The following EED variants were observed in gnomAD, a reference collection of about 807,000 sequenced individuals.
The protein encoded by EED is embryonic ectoderm development.
Under a neutral mutation model 61.0 loss-of-function variants are expected in EED, and 9 were observed. The observed-to-expected ratio is 0.15, with a 90% confidence interval of 0.09 to 0.26. The LOEUF is 0.26. Ranked by LOEUF, EED falls within the 10% of genes least tolerant of loss-of-function variation. The pLI, the probability that EED is intolerant of heterozygous loss-of-function variation, is 1.00. For synonymous variants in EED, 187 were observed against 174.4 expected (o/e 1.07, Z -0.57); for missense variants, 315 against 542.3 (o/e 0.58, Z 4.16).
intron 1 of EED, among the ~76,000 whole-genome samples, chr11:86,248,591 A>G (rs1408961858): frequency 3.3e-5 from 5 of 152,266 alleles, no homozygotes; most frequent in African/African-American, 9.6e-5. Context: ...ATTTATTAAT[A>G]TATGGAGTAA....
intron 9 of EED, among the ~76,000 whole-genome samples, chr11:86,275,470 T>G (rs1259010450): frequency 6.6e-6 from 1 of 152,210 alleles, no homozygotes. Context: ...AAATTCTAAA[T>G]CTGGCGCAAG....
intron 8 of EED, among the ~76,000 whole-genome samples, chr11:86,266,889 T>G (rs1414502956): frequency 6.6e-6 from 1 of 152,192 alleles, no homozygotes; most frequent in Non-Finnish European, 1.5e-5. Flanking sequence ...CACTTTTGTT[T>G]TAGCAAAGAG....
downstream of EED, among the ~76,000 whole-genome samples, chr11:86,280,476 A>C (rs1946309962): frequency 6.6e-6 from 1 of 152,138 alleles, no homozygotes; most frequent in South Asian, 2.1e-4. Context: ...GGCCCCAGTC[A>C]CCAGTTATCT....
Position 86,277,968 on chromosome 11 carries a change from A to G in EED, c.1176A>G (p.Glu392=). 6.5e-7 allele frequency: 1 copy of G among 1,541,520 alleles called. No homozygotes were observed. Among genetic ancestry groups the G allele is most frequent in the Non-Finnish European group, 8.7e-7 (1 of 1,153,612 alleles). ...QVGKLYVWDL[E]VEDPHKAKCT... ...GCAAACTTTATGTTTGGGATTTAGAAGTAGAAGATCCTCATAAAGCCAAGT... is the reference window on the plus strand; with the variant it reads ...GCAAACTTTATGTTTGGGATTTAGAGGTAGAAGATCCTCATAAAGCCAAGT... Residue 392 remains glutamate (E), a synonymous_variant, in exon 11 of 12, where the codon GAA becomes GAG. Transcript: ENST00000263360.
chr11:86,277,066 T>A lies in EED; in HGVS notation c.1053T>A (p.Thr351=). The A allele has an allele frequency of 6.3e-7, 1 of 1,593,168 alleles. No individual in the cohort carries two copies. Among genetic ancestry groups the A allele is most frequent in the Non-Finnish European group, 8.6e-7 (1 of 1,165,926 alleles). The part of the protein sequence containing the change: ...DKIKPSESNV[T]ILGRFDYSQC... ...TTAAACCCAGTGAATCTAATGTGAC[T>A]ATTCTTGGGCGATTTGATTACAGCC... is the stretch of plus-strand genomic sequence containing the variant. Residue 351 remains threonine, a synonymous_variant, in exon 10 of 12, where the codon ACT becomes ACA. Transcript: ENST00000263360.
chr11:86,260,619 T>A (rs1243127532), intron 6 of EED, among the ~76,000 whole-genome samples: 2 of 152,230 alleles, frequency 1.3e-5, no homozygotes, highest in African/African-American at 4.8e-5. Context: ...GCATGATATA[T>A]GTAGTTATGT....
downstream of EED, among the ~76,000 whole-genome samples, chr11:86,279,054 A>T (rs545372019): frequency 3.3e-5 from 5 of 152,338 alleles, no homozygotes; most frequent in Admixed American, 3.3e-4. Flanking sequence ...TTGACATATA[A>T]TAAGCCCTAA....
intron 7 of EED, 193 bp downstream of exon 7, chr11:86,264,456 T>TA (rs1945922785): frequency 1.7e-5 from 7 of 423,358 alleles, no homozygotes; most frequent in African/African-American, 1.0e-4. Context: ...TTTATTTATT[T>TA]TTTAAATTAC....
chr11:86,260,183 T>C (rs972523318), intron 6 of EED, among the ~76,000 whole-genome samples: 1 of 152,236 alleles, frequency 6.6e-6, no homozygotes, highest in Non-Finnish European at 1.5e-5. Flanking sequence ...AACATTGTTA[T>C]ATTTCAAGCT....
At chr11:86,286,766 A>G in the EED span, among the ~76,000 whole-genome samples, 1 of 151,950 alleles carries the variant, frequency 6.6e-6, no homozygotes, top group Non-Finnish European at 1.5e-5. Flanking sequence ...AGGTCAGGAG[A>G]TCGAGACTAT....
chr11:86,257,991 A>G (rs1323252237), intron 6 of EED, among the ~76,000 whole-genome samples: 1 of 152,132 alleles, frequency 6.6e-6, no homozygotes, highest in African/African-American at 2.4e-5. Flanking sequence ...TTTCCATATA[A>G]ACATCTTTTA....
At chr11:86,276,804 C>T (rs914580867) in intron 9 of EED, 176 bp from the exon 10 acceptor site, 5 of 420,828 alleles carry the variant, frequency 1.2e-5, no homozygotes, top group African/African-American at 4.1e-5. Flanking sequence ...ATTTCTTGTC[C>T]TTAAGTATGG....
chr11:86,272,921 G>A (rs866314755), intron 9 of EED, among the ~76,000 whole-genome samples: 1 of 151,990 alleles, frequency 6.6e-6, no homozygotes, highest in South Asian at 2.1e-4. Context: ...TTCTCTCTGA[G>A]TTTTTTCCCC....
At chr11:86,274,577 G>C (rs1179604170) in intron 9 of EED, among the ~76,000 whole-genome samples, 1 of 152,118 alleles carries the variant, frequency 6.6e-6, no homozygotes, top group South Asian at 2.1e-4. Context: ...TTCCCCACTC[G>C]GTTGACCTTG....
At chr11:86,263,580 T>C (rs1165314343) in intron 6 of EED, among the ~76,000 whole-genome samples, 1 of 152,212 alleles carries the variant, frequency 6.6e-6, no homozygotes, top group Non-Finnish European at 1.5e-5. Flanking sequence ...AGGGTCTTGC[T>C]ATATTGCTAG....
intron 9 of EED, chr11:86,276,149 A>G (rs972894447): frequency 3.3e-5 from 5 of 152,172 alleles, no homozygotes; most frequent in Non-Finnish European, 7.3e-5. Context: ...GCCTCTACCC[A>G]TTAGAGCACA....
chr11:86,273,524 T>G (rs1218496679), intron 9 of EED, among the ~76,000 whole-genome samples: 2 of 152,222 alleles, frequency 1.3e-5, no homozygotes, highest in South Asian at 4.1e-4. Flanking sequence ...TAAATTCAAA[T>G]CTTCTTAATT....
Position 86,277,912 on chromosome 11 carries a change from A to G in EED, c.1126-6A>G, listed in dbSNP as rs372574756. On this transcript the variant is annotated splice_region_variant and splice_polypyrimidine_tract_variant and intron_variant, in intron 10 of 11. Transcript: ENST00000263360. The stretch of plus-strand genomic sequence containing the variant: ...ATTTGATGTTTTTAAAAATATGTTT[A>G]TACAGATGCTTGCATTGGGCAATCA... The G allele has an allele frequency of 1.9e-6, 3 of 1,540,554 alleles. No homozygotes were observed. The highest frequency in any genetic ancestry group is 1.4e-5 in the African/African-American group (1 of 69,560).
chr11:86,254,483 C>T (rs1449828070), intron 3 of EED, among the ~76,000 whole-genome samples: 1 of 149,964 alleles, frequency 6.7e-6, no homozygotes, highest in East Asian at 2.0e-4. Flanking sequence ...ACCACACCCA[C>T]CTAATTTTTG....
Sources: gnomAD v4.1 joint callset for allele counts (sites outside exome capture counted in the v4.1 genomes callset) on GRCh38, gnomAD v4.1.1 for gene constraint, MANE v1.5 for transcripts, NCBI Gene and HGNC (gene_info 2026-07-23, HGNC 2026-07-21) for gene names.